Variants in NIPAL3 observed in about 807,000 individuals in gnomAD.
NIPAL3 encodes NIPA-like protein 3.
Under a neutral mutation model 47.2 loss-of-function variants are expected in NIPAL3, and 41 were observed. The observed-to-expected ratio is 0.87, with a 90% CI of 0.68 to 1.13. The LOEUF is 1.13. Ranked by LOEUF, NIPAL3 falls within the 50% of genes most tolerant of loss-of-function variation. The pLI is 0.00. For synonymous variants in NIPAL3, 194 were observed against 209.6 expected (o/e 0.93, Z 0.64); for missense variants, 449 against 530.1 (o/e 0.85, Z 1.50).
rs529857134 is a variant in NIPAL3 at position 24,472,348 on chromosome 1, A to T, written c.*3163A>T. 2.0e-5 allele frequency: 3 copies of T among 152,242 alleles called. No individual in the cohort carries two copies. Among genetic ancestry groups the T allele is most frequent in the Non-Finnish European group, 4.4e-5 (3 of 68,062 alleles). The allele number at this position is 152,242 out of a possible 1,614,324, so 9.4% of individuals were successfully genotyped here. A position where few individuals can be genotyped will look rare whatever the true frequency, so the allele number is the denominator to read the frequency against. ...TTCCTCCCAATCTTTGTCCAGTGGT[A>T]TAAATGGACTGTCTGCTGATGGCCA... On this transcript the variant is annotated 3_prime_UTR_variant, in exon 12 of 12. Coordinates refer to ENST00000374399, the MANE Select transcript of NIPAL3 (RefSeq NM_020448.5).
chr1:24,451,023 C>T lies in NIPAL3; in HGVS notation c.540+1397C>T, dbSNP rs531163650. ...TCAGAGGATTGAAGCCCAAGACTTC[C>T]TAAGTGCTGTGTGGCCTTAGCCAAG... On this transcript the variant is annotated intron_variant, in intron 6 of 11. Transcript: ENST00000374399. The surrounding 1 kb of genome is among the most constrained non-coding windows in gnomAD (Gnocchi z 4.5). 6.6e-6 allele frequency among the ~76,000 whole-genome samples: 1 copy of T among 152,358 alleles called. No homozygotes were observed. The highest frequency in any genetic ancestry group is 2.1e-4 in the South Asian group (1 of 4,830).
At chr1:24,429,317 C>A (rs996352089) in intron 2 of NIPAL3, among the ~76,000 whole-genome samples, 1 of 148,234 alleles carries the variant, frequency 6.7e-6, no homozygotes, top group Non-Finnish European at 1.5e-5. Context: ...GAGGCCGAGG[C>A]AGGAGAATGT....
At chr1:24,424,256 T>C (rs1173952878) in intron 2 of NIPAL3, among the ~76,000 whole-genome samples, 6 of 152,190 alleles carry the variant, frequency 3.9e-5, no homozygotes, top group African/African-American at 1.4e-4. Flanking sequence ...TCCCCAGTGT[T>C]CCTTCTTAGC....
At chr1:24,423,869 G>A (rs533433075) in intron 2 of NIPAL3, among the ~76,000 whole-genome samples, 2 of 152,172 alleles carry the variant, frequency 1.3e-5, no homozygotes, top group Admixed American at 1.3e-4. Context: ...TTGATCTGGG[G>A]TGTGAGAGTT....
rs137905792 is a variant in NIPAL3, at chr1:24,460,454, G to A, written c.863-27G>A. ...ATGGGTGATTTGAAAACAGCTCAGC[G>A]GTATTTTCTATGATTTGCTGCTGCA... On this transcript the variant is annotated intron_variant, in intron 9 of 11. Transcript: ENST00000374399. The A allele has an allele frequency of 6.5e-5, 102 of 1,573,842 alleles. No individual in the cohort carries two copies. The African/African-American group carries it at 1.0e-3, about 16-fold the overall frequency.
intron 10 of NIPAL3, among the ~76,000 whole-genome samples, chr1:24,462,441 T>A (rs1167337717): frequency 1.3e-5 from 2 of 152,156 alleles, no homozygotes; most frequent in Non-Finnish European, 2.9e-5. Context: ...ACATAGTATA[T>A]TCAGACAATG....
intron 2 of NIPAL3, among the ~76,000 whole-genome samples, chr1:24,423,157 A>G (rs928351290): frequency 6.6e-6 from 1 of 152,194 alleles, no homozygotes; most frequent in African/African-American, 2.4e-5. Context: ...TGCCTTACAT[A>G]TTGAAGGTGC....
Position 24,458,777 on chromosome 1 carries a change from A to T in NIPAL3, c.774-111A>T, listed in dbSNP as rs1018293619. The T allele has an allele frequency of 7.3e-6, 6 of 823,812 alleles. No homozygotes were observed. In the African/African-American group the frequency reaches 1.0e-4, roughly 14 times the overall value. 51.0% of individuals were successfully genotyped at this position (823,812 alleles called of 1,614,324 possible). ...GGGTGGCATTTTTAGAAACCCAAGG[A>T]ACATTCCTAAATGTATCATCTTCAT... is the stretch of plus-strand genomic sequence containing the variant. On this transcript the variant is annotated intron_variant, in intron 8 of 11. Transcript: ENST00000374399.
chr1:24,443,929 A>C (rs1645523669), intron 4 of NIPAL3, among the ~76,000 whole-genome samples: 1 of 152,022 alleles, frequency 6.6e-6, no homozygotes, highest in Admixed American at 6.6e-5. Flanking sequence ...GGGCTCCCAA[A>C]CCTTTTTCAC....
At chr1:24,447,554 C>CT (rs897422977) in intron 5 of NIPAL3, among the ~76,000 whole-genome samples, 4 of 151,368 alleles carry the variant, frequency 2.6e-5, no homozygotes, top group Non-Finnish European at 4.4e-5. Flanking sequence ...GAATTTTACT[C>CT]TAAAAAAAAA....
At chr1:24,432,887 TA>T (rs1363364859) in intron 2 of NIPAL3, among the ~76,000 whole-genome samples, 2 of 152,240 alleles carry the variant, frequency 1.3e-5, no homozygotes, top group African/African-American at 4.8e-5. Flanking sequence ...CTCTCTCTAG[TA>T]AACCCGATCA....
intron 2 of NIPAL3, among the ~76,000 whole-genome samples, chr1:24,431,656 C>T (rs765425184): frequency 6.6e-6 from 1 of 152,160 alleles, no homozygotes; most frequent in Non-Finnish European, 1.5e-5. Context: ...TAGGGCTTCT[C>T]TGGTTTCTTT....
chr1:24,443,862 A>T (rs1366107869), intron 4 of NIPAL3, among the ~76,000 whole-genome samples: 1 of 152,168 alleles, frequency 6.6e-6, no homozygotes, highest in East Asian at 1.9e-4. Context: ...CAGCCCCTGT[A>T]TGTGATCATA....
At position 24,419,414 on chromosome 1, in the gene NIPAL3, C is replaced by A. The variant is rs1644208829; in HGVS notation, c.-134C>A. ...TCTGCCAAAACAGCCTTGAAGTATTCTTTTGTCATGAGGAAGTGACGGCTG... is the reference window on the plus strand; with the variant it reads ...TCTGCCAAAACAGCCTTGAAGTATTATTTTGTCATGAGGAAGTGACGGCTG... On this transcript the variant is annotated 5_prime_UTR_variant, in exon 2 of 12. Coordinates refer to ENST00000374399, the MANE Select transcript of NIPAL3 (RefSeq NM_020448.5). 1.5e-6 allele frequency: 2 copies of A among 1,377,204 alleles called. No homozygotes were observed. The highest frequency in any genetic ancestry group is 3.5e-5 in the South Asian group (2 of 57,520). 85.3% of individuals were successfully genotyped at this position (1,377,204 alleles called of 1,614,324 possible).
At chr1:24,447,416 T>A (rs1645721061) in intron 5 of NIPAL3, among the ~76,000 whole-genome samples, 2 of 152,018 alleles carry the variant, frequency 1.3e-5, no homozygotes, top group Admixed American at 6.6e-5. Context: ...GTCTGAAAAA[T>A]TTTAAAACAG....
intron 11 of NIPAL3, among the ~76,000 whole-genome samples, chr1:24,467,586 A>C (rs1194038950): frequency 6.6e-6 from 1 of 152,230 alleles, no homozygotes; most frequent in Non-Finnish European, 1.5e-5. Context: ...TACATGCTTC[A>C]TTTCTGCTGC....
chr1:24,457,677 G>A (rs928723174), intron 8 of NIPAL3: 3 of 513,126 alleles, frequency 5.8e-6, no homozygotes, highest in Middle Eastern at 3.3e-4. Flanking sequence ...TCTGAACCCA[G>A]GTGTCTGGCT....
intron 2 of NIPAL3, among the ~76,000 whole-genome samples, chr1:24,435,684 A>G (rs1429219439): frequency 6.6e-5 from 10 of 152,214 alleles, no homozygotes; most frequent in Admixed American, 6.5e-4. Context: ...ATCAAAATTT[A>G]AAACTTTTCT....
chr1:24,437,869 G>T (rs1037153410), intron 2 of NIPAL3, among the ~76,000 whole-genome samples: 1 of 152,068 alleles, frequency 6.6e-6, no homozygotes, highest in Non-Finnish European at 1.5e-5. Context: ...GCAAAATCAG[G>T]GTGTCGTTTA....
Sources: allele counts gnomAD v4.1 joint callset (sites outside exome capture counted in the v4.1 genomes callset), GRCh38; gene constraint gnomAD v4.1.1; non-coding constraint Gnocchi (gnomAD v3.1); transcripts MANE v1.5; gene names NCBI Gene and HGNC (gene_info 2026-07-23, HGNC 2026-07-21).